Variants in POLR3B observed in about 807,000 individuals in gnomAD.
POLR3B encodes DNA-directed RNA polymerase III subunit RPC2.
A neutral mutation model predicts 147.4 loss-of-function variants in POLR3B; 96 were observed. The observed-to-expected ratio is 0.65, with a 90% confidence interval of 0.55 to 0.77. POLR3B has a LOEUF of 0.77. Ranked by LOEUF, POLR3B falls within the 30% of genes least tolerant of loss-of-function variation. The probability of loss-of-function intolerance (pLI) is 0.00; values close to 1 mark genes in which losing one functional copy is unlikely to be tolerated. For missense variants in POLR3B, 1,036 were observed against 1,413.5 expected (o/e 0.73, Z 4.28); for synonymous variants, 461 against 485.9 (o/e 0.95, Z 0.67).
chr12:106,391,546 C>G (rs376278100), intron 9 of POLR3B, among the ~76,000 whole-genome samples: 1 of 152,178 alleles, frequency 6.6e-6, no homozygotes, highest in South Asian at 2.1e-4. Flanking sequence ...AAGTTTACAT[C>G]GGATCCTAAA....
chr12:106,368,208 G>C (rs1316667019), intron 4 of POLR3B, among the ~76,000 whole-genome samples: 1 of 151,312 alleles, frequency 6.6e-6, no homozygotes. Flanking sequence ...CGTAAGATAT[G>C]GTTCATCTGG....
intron 19 of POLR3B, among the ~76,000 whole-genome samples, chr12:106,449,209 T>G (rs2037765720): frequency 6.6e-6 from 1 of 152,214 alleles, no homozygotes; most frequent in African/African-American, 2.4e-5. Context: ...TACGATATTT[T>G]TAATAATTTT....
At chr12:106,375,936 C>G (rs1480800618) in intron 6 of POLR3B, among the ~76,000 whole-genome samples, 1 of 152,180 alleles carries the variant, frequency 6.6e-6, no homozygotes, top group African/African-American at 2.4e-5. Flanking sequence ...GCTTCCACCT[C>G]CAAGTTCAAG....
intron 6 of POLR3B, among the ~76,000 whole-genome samples, chr12:106,372,540 C>T (rs1481543374): frequency 6.6e-6 from 1 of 151,788 alleles, no homozygotes; most frequent in Non-Finnish European, 1.5e-5. Flanking sequence ...AGGGTTTCAC[C>T]ACGTTGGCCA....
intron 6 of POLR3B, among the ~76,000 whole-genome samples, chr12:106,373,412 T>C (rs2036635994): frequency 2.0e-5 from 3 of 152,174 alleles, no homozygotes; most frequent in Admixed American, 6.5e-5. Context: ...ATTTGCTTTC[T>C]TTTGGTTATA....
intron 11 of POLR3B, among the ~76,000 whole-genome samples, chr12:106,407,307 T>C (rs1653677712): frequency 6.6e-6 from 1 of 152,192 alleles, no homozygotes; most frequent in South Asian, 2.1e-4. Flanking sequence ...TCTGAACTTT[T>C]CTAAGCTTCA....
chr12:106,383,909 T>G (rs1352794285), intron 9 of POLR3B, among the ~76,000 whole-genome samples: 2 of 144,194 alleles, frequency 1.4e-5, no homozygotes, highest in Admixed American at 7.2e-5. Flanking sequence ...ACCCGGGAGG[T>G]GGAGGTTGCG....
Position 106,504,323 on chromosome 12 carries a change from C to A in POLR3B, c.3272+69C>A. On this transcript the variant is annotated intron_variant, in intron 27 of 27. Coordinates refer to ENST00000228347, the MANE Select transcript of POLR3B (RefSeq NM_018082.6). This position sits in a 1 kb window ranked among gnomAD's most constrained non-coding sequence, Gnocchi z 4.6. ...TTAAATCACAGCTCAAGAATTGACC[C>A]TGGATCCTATCCGCATATTCTCCAG... 7.8e-7 allele frequency: 1 copy of A among 1,285,146 alleles called. No individual in the cohort carries two copies. Among genetic ancestry groups the A allele is most frequent in the Non-Finnish European group, 1.1e-6 (1 of 880,220 alleles). The allele number at this position is 1,285,146 out of a possible 1,614,324, so 79.6% of individuals were successfully genotyped here. A position where few individuals can be genotyped will look rare whatever the true frequency, so the allele number is the denominator to read the frequency against.
chr12:106,422,867 C>T (rs2136949434), intron 12 of POLR3B, among the ~76,000 whole-genome samples: 1 of 152,244 alleles, frequency 6.6e-6, no homozygotes, highest in African/African-American at 2.4e-5. Flanking sequence ...TTCTAATTGG[C>T]ATTGCATTGG....
intron 13 of POLR3B, among the ~76,000 whole-genome samples, chr12:106,429,487 C>A (rs905098517): frequency 6.6e-6 from 1 of 151,986 alleles, no homozygotes; most frequent in African/African-American, 2.4e-5. Context: ...ATTCATGTTA[C>A]CATGAATTTA....
intron 23 of POLR3B, among the ~76,000 whole-genome samples, chr12:106,491,771 C>T (rs2038410582): frequency 6.6e-6 from 1 of 152,152 alleles, no homozygotes; most frequent in African/African-American, 2.4e-5. Flanking sequence ...CTACCTCCGC[C>T]TATCTGGAGT....
chr12:106,436,149 G>T (rs894798590), intron 16 of POLR3B, among the ~76,000 whole-genome samples: 1 of 152,184 alleles, frequency 6.6e-6, no homozygotes, highest in Non-Finnish European at 1.5e-5. Flanking sequence ...TAATTGTGCA[G>T]CTCCTCTTCT....
intron 12 of POLR3B, among the ~76,000 whole-genome samples, chr12:106,413,272 T>G (rs2037253163): frequency 6.6e-6 from 1 of 152,216 alleles, no homozygotes; most frequent in Admixed American, 6.5e-5. Context: ...CTCTTAAGTT[T>G]AGGCCTTTAG....
Position 106,432,369 on chromosome 12 carries a change from A to G in POLR3B, c.1516A>G (p.Met506Val), listed in dbSNP as rs762160281. Residue 506 changes from methionine to valine, a missense_variant, in exon 15 of 28, where the codon ATG becomes GTG. Around this residue, in one of 12 missense-constraint regions of POLR3B, gnomAD observed 177 missense variants for 232.7 expected, o/e 0.76. Transcript: ENST00000228347. ...LALMTHITTD[M>V]EDGPIVKLAS... ...CCTTATGACACACATCACAACTGAT[A>G]TGGAAGATGGACCCATTGTTAAATT... The G allele has an allele frequency of 1.9e-6, 3 of 1,613,788 alleles. No individual in the cohort carries two copies. Among genetic ancestry groups the G allele is most frequent in the South Asian group, 1.1e-5 (1 of 91,074 alleles).
At chr12:106,386,156 G>A (rs754999906) in intron 9 of POLR3B, among the ~76,000 whole-genome samples, 1 of 152,054 alleles carries the variant, frequency 6.6e-6, no homozygotes, top group Non-Finnish European at 1.5e-5. Flanking sequence ...GACCAGCCTG[G>A]CTAACATGGT....
chr12:106,359,888 T>C lies in POLR3B; in HGVS notation c.72+1937T>C, dbSNP rs12580542. On this transcript the variant is annotated intron_variant, in intron 1 of 27. Coordinates refer to ENST00000228347, the MANE Select transcript of POLR3B (RefSeq NM_018082.6). ...CTCGAGTCTTCATCCCTAACTGCTA[T>C]CGGACCGCTTCTCCAGAGAGCTGAA... Among the ~76,000 whole-genome samples, 148 of 152,346 alleles carry C rather than the reference T, an allele frequency of 9.7e-4. 1 individual carries two copies. In the East Asian group the frequency reaches 0.014, roughly 15 times the overall value.
chr12:106,477,891 C>CCTTTTTTTTTT (rs1565909279), intron 23 of POLR3B, among the ~76,000 whole-genome samples: 1 of 70,478 alleles, frequency 1.4e-5, no homozygotes, highest in African/African-American at 5.5e-5. Flanking sequence ...GGCTCCTCCC[C>CCTTTTTTTTTT]TTTTTTTTTT....
intron 14 of POLR3B, 118 bp downstream of exon 14, chr12:106,430,591 T>C: frequency 1.3e-6 from 1 of 776,556 alleles, no homozygotes. Flanking sequence ...TTCTTTGGTC[T>C]GTCATTTATC....
chr12:106,490,699 G>C (rs554036012), intron 23 of POLR3B, among the ~76,000 whole-genome samples: 8 of 152,310 alleles, frequency 5.3e-5, no homozygotes, highest in South Asian at 2.1e-4. Flanking sequence ...GCTGGAAAAG[G>C]GGAGGGGAAG....
Sources: gnomAD v4.1 joint callset for allele counts (sites outside exome capture counted in the v4.1 genomes callset) on GRCh38, gnomAD v4.1.1 for gene constraint, gnomAD v4.1.1 regional missense constraint, Gnocchi (gnomAD v3.1) non-coding constraint, MANE v1.5 for transcripts, NCBI Gene and HGNC (gene_info 2026-07-23, HGNC 2026-07-21) for gene names.